Variants in LEMD3 observed in about 807,000 individuals in gnomAD.
The protein encoded by LEMD3 is LEM domain containing 3, also known as inner nuclear membrane protein Man1.
A neutral mutation model predicts 95.2 loss-of-function variants in LEMD3; 33 were observed. The observed-to-expected ratio is 0.35, with a 90% CI of 0.26 to 0.46. The LOEUF (loss-of-function observed/expected upper bound fraction) is 0.46, where lower values mean the gene tolerates loss of function less well. Among genes scored for constraint, LEMD3 ranks in the 20% least tolerant of loss-of-function variants. LEMD3 has a pLI of 1.00. For missense variants in LEMD3, 1,210 were observed against 1,192.8 expected (o/e 1.01, Z -0.21); for synonymous variants, 525 against 474.6 (o/e 1.11, Z -1.38).
At chr12:65,220,002 A>G (rs984293799) in intron 4 of LEMD3, among the ~76,000 whole-genome samples, 1 of 152,358 alleles carries the variant, frequency 6.6e-6, no homozygotes, top group Non-Finnish European at 1.5e-5. Context: ...TAATTCATCA[A>G]TGAACATGGC....
chr12:65,172,870 C>T (rs1592426898), intron 1 of LEMD3, among the ~76,000 whole-genome samples: 3 of 151,960 alleles, frequency 2.0e-5, no homozygotes, highest in Non-Finnish European at 4.4e-5. Context: ...GGACTACATG[C>T]GCGTGCCGCC....
intron 2 of LEMD3, among the ~76,000 whole-genome samples, chr12:65,212,701 A>G (rs1275861449): frequency 6.6e-6 from 1 of 152,228 alleles, no homozygotes; most frequent in African/African-American, 2.4e-5. Flanking sequence ...AAACACAATT[A>G]GAAAGTAGCT....
rs1434484697 is a variant in LEMD3, at chr12:65,238,390, TTA to T, written c.1696-110_1696-109del. On this transcript the variant is annotated intron_variant, in intron 4 of 12. Transcript: ENST00000308330. Reference sequence around the variant, plus strand: ...TTTAAAATTTTCTGTAATGAATATTTTATGTTATGTAGTTAAAATAAAAATGT... The same window carrying T: ...TTTAAAATTTTCTGTAATGAATATTTTGTTATGTAGTTAAAATAAAAATGT... 19 of 702,416 alleles carry T rather than the reference TTA, an allele frequency of 2.7e-5. No individual in the cohort carries two copies. The African/African-American group carries it at 3.4e-4, about 13-fold the overall frequency. The allele number at this position is 702,416 out of a possible 1,614,324, so 43.5% of individuals were successfully genotyped here.
intron 2 of LEMD3, among the ~76,000 whole-genome samples, chr12:65,212,690 A>G (rs1869979426): frequency 6.6e-6 from 1 of 152,214 alleles, no homozygotes; most frequent in Non-Finnish European, 1.5e-5. Context: ...GGGCCTTACT[A>G]AAACACAATT....
chr12:65,185,545 A>G (rs1005343552), intron 1 of LEMD3, among the ~76,000 whole-genome samples: 3 of 151,946 alleles, frequency 2.0e-5, no homozygotes, highest in Middle Eastern at 3.2e-3. Context: ...ATTTGGTCAT[A>G]TTTTCTTAAT....
intron 1 of LEMD3, among the ~76,000 whole-genome samples, chr12:65,193,796 G>A (rs1264357733): frequency 6.7e-6 from 1 of 148,938 alleles, no homozygotes; most frequent in African/African-American, 2.5e-5. Context: ...GGCCTCTCCT[G>A]CCCTGCTTAT....
intron 2 of LEMD3, among the ~76,000 whole-genome samples, chr12:65,212,552 A>G (rs1291466390): frequency 1.3e-5 from 2 of 151,756 alleles, no homozygotes; most frequent in Non-Finnish European, 2.9e-5. Context: ...AAAAAAAAAA[A>G]AAAATTCCTT....
intron 4 of LEMD3, among the ~76,000 whole-genome samples, chr12:65,231,183 T>C (rs1246439366): frequency 5.3e-5 from 8 of 152,282 alleles, no homozygotes; most frequent in African/African-American, 1.9e-4. Context: ...TTTTGTTACC[T>C]TTTCTTTTTG....
intron 1 of LEMD3, among the ~76,000 whole-genome samples, chr12:65,190,744 G>A (rs1256538776): frequency 1.3e-5 from 2 of 152,258 alleles, no homozygotes; most frequent in Middle Eastern, 3.4e-3. Context: ...TAACCTTGGC[G>A]AAATAAACTT....
At position 65,218,637 on chromosome 12, in the gene LEMD3, A is replaced by G. The variant is rs1350436325; in HGVS notation, c.1695+18A>G. 2 of 1,470,926 alleles carry G rather than the reference A, an allele frequency of 1.4e-6. No individual in the cohort carries two copies. The highest frequency in any genetic ancestry group is 1.9e-6 in the Non-Finnish European group (2 of 1,060,380). The allele number at this position is 1,470,926 out of a possible 1,614,324, so 91.1% of individuals were successfully genotyped here. On this transcript the variant is annotated intron_variant, in intron 4 of 12. Transcript: ENST00000308330. ...ATTTAAAAGTAAGCAATGAAATTAG[A>G]ATTTTAATAGCTATATTTTAAAAAA...
At chr12:65,173,834 C>T (rs1217377298) in intron 1 of LEMD3, among the ~76,000 whole-genome samples, 2 of 152,052 alleles carry the variant, frequency 1.3e-5, no homozygotes, top group Non-Finnish European at 2.9e-5. Context: ...ATGTATGATA[C>T]ACTTGATGTA....
At position 65,213,087 on chromosome 12, in the gene LEMD3, AAGAT is replaced by A. The variant is rs147534273; in HGVS notation, c.1560+2150_1560+2153del. On this transcript the variant is annotated intron_variant, in intron 2 of 12. Coordinates refer to ENST00000308330, the MANE Select transcript of LEMD3 (RefSeq NM_014319.5). ...GCCTGAGTGACAGAGCAAGACTGTA[AAGAT>A]AGATAGATAGATAGATAGATAGATA... Among the ~76,000 whole-genome samples the A allele has an allele frequency of 2.6e-3, 397 of 152,010 alleles. 1 individual carries two copies. The highest frequency in any genetic ancestry group is 3.9e-3 in the Non-Finnish European group (263 of 67,988).
intron 4 of LEMD3, among the ~76,000 whole-genome samples, chr12:65,223,019 T>A (rs1374977594): frequency 6.6e-6 from 1 of 152,182 alleles, no homozygotes; most frequent in Non-Finnish European, 1.5e-5. Context: ...ATGATTTCGG[T>A]CGTCTTTAAT....
At chr12:65,205,458 T>C (rs992928103) in intron 1 of LEMD3, among the ~76,000 whole-genome samples, 11 of 152,082 alleles carry the variant, frequency 7.2e-5, no homozygotes, top group Admixed American at 6.6e-4. Flanking sequence ...TGATTCTGAG[T>C]TTTGACCTTT....
Position 65,177,840 on chromosome 12 carries a change from C to CTT in LEMD3, c.1522+6736_1522+6737dup, listed in dbSNP as rs776856955. On this transcript the variant is annotated intron_variant, in intron 1 of 12. Transcript: ENST00000308330. ...TTGAAAAATAGCTGTTGCTCTCATT[C>CTT]TTTTTTTTTTTTTTTCAATATGAGA... Among the ~76,000 whole-genome samples, 303 of 130,788 alleles carry CTT rather than the reference C, an allele frequency of 2.3e-3. 1 individual carries two copies. The highest frequency in any genetic ancestry group is 7.9e-3 in the African/African-American group (284 of 36,046). 85.8% of individuals were successfully genotyped at this position (130,788 alleles called of 152,430 possible). A position where few individuals can be genotyped will look rare whatever the true frequency, so the allele number is the denominator to read the frequency against.
At chr12:65,222,146 G>T (rs1165695583) in intron 4 of LEMD3, among the ~76,000 whole-genome samples, 1 of 152,024 alleles carries the variant, frequency 6.6e-6, no homozygotes, top group African/African-American at 2.4e-5. Context: ...CCTCTTTATT[G>T]AATGGTTTTA....
intron 9 of LEMD3, among the ~76,000 whole-genome samples, chr12:65,241,980 G>A (rs990264923): frequency 1.3e-5 from 2 of 152,052 alleles, no homozygotes; most frequent in African/African-American, 4.8e-5. Context: ...TATGACACAC[G>A]TTTACCTATG....
At chr12:65,210,499 CTG>C (rs1362602825) in intron 1 of LEMD3, among the ~76,000 whole-genome samples, 1 of 152,112 alleles carries the variant, frequency 6.6e-6, no homozygotes, top group East Asian at 1.9e-4. Context: ...GTGCTTGACA[CTG>C]TGTCAAACAT....
At chr12:65,194,325 TTCA>T (rs1869341536) in intron 1 of LEMD3, among the ~76,000 whole-genome samples, 1 of 152,150 alleles carries the variant, frequency 6.6e-6, no homozygotes, top group African/African-American at 2.4e-5. Context: ...AAGATTTTAA[TTCA>T]TGGAGAGCCA....
Sources: gnomAD v4.1 joint callset for allele counts (sites outside exome capture counted in the v4.1 genomes callset) on GRCh38, gnomAD v4.1.1 for gene constraint, MANE v1.5 for transcripts, NCBI Gene and HGNC (gene_info 2026-07-23, HGNC 2026-07-21) for gene names.